Variants in TYW1B observed in about 807,000 individuals in gnomAD.
The protein encoded by TYW1B is tRNA-yW synthesizing protein 1 homolog B.
Under a neutral mutation model 86.9 loss-of-function variants are expected in TYW1B, and 73 were observed. The ratio of observed to expected loss-of-function variants is 0.84; its 90% CI spans 0.70 to 1.02. The LOEUF (loss-of-function observed/expected upper bound fraction) is 1.02. Ranked by LOEUF, TYW1B falls within the 50% of genes least tolerant of loss-of-function variation. The pLI is 0.00. For missense variants in TYW1B, 637 were observed against 827.4 expected, an observed-to-expected ratio of 0.77 and a Z score of 2.82; for synonymous variants, 248 against 292.8, an observed-to-expected ratio of 0.85 and a Z score of 1.56.
intron 9 of TYW1B, among the ~76,000 whole-genome samples, chr7:72,719,349 G>A (rs1166188653): frequency 1.3e-5 from 2 of 151,832 alleles, no homozygotes; most frequent in Non-Finnish European, 2.9e-5. Context: ...CGAAGTTTTG[G>A]GCCGGGCGTG....
chr7:72,662,639 T>C (rs543269453), intron 11 of TYW1B, among the ~76,000 whole-genome samples: 53 of 152,268 alleles, frequency 3.5e-4, no homozygotes, highest in South Asian at 1.5e-3. Context: ...TTCCCCCCAG[T>C]GTGTGGAAGG....
chr7:72,622,632 CACACACACAT>C (rs1812246834), intron 12 of TYW1B, among the ~76,000 whole-genome samples: 1 of 152,006 alleles, frequency 6.6e-6, no homozygotes, highest in South Asian at 2.1e-4. Flanking sequence ...CAAACACAAA[CACACACACAT>C]ACAGACACAT....
chr7:72,724,698 T>C (rs35954294), intron 9 of TYW1B, among the ~76,000 whole-genome samples: 1 of 152,134 alleles, frequency 6.6e-6, no homozygotes, highest in Non-Finnish European at 1.5e-5. Context: ...AATACACTGA[T>C]GTTTTCCTGA....
chr7:72,807,420 C>T, intron 4 of TYW1B, 64 bp from the exon 5 acceptor site: 1 of 1,548,136 alleles, frequency 6.5e-7, no homozygotes, highest in Non-Finnish European at 8.7e-7. Context: ...CCAGACTGCT[C>T]TGCAAAAGCC....
intron 12 of TYW1B, among the ~76,000 whole-genome samples, chr7:72,622,548 C>T (rs55949505): frequency 0.28 from 41,957 of 152,010 alleles, 8,153 homozygotes; most frequent in African/African-American, 0.56. Flanking sequence ...GGCACTGCCT[C>T]TCACCCCACA....
At chr7:72,751,714 C>T (rs1312006409) in intron 7 of TYW1B, among the ~76,000 whole-genome samples, 1 of 152,162 alleles carries the variant, frequency 6.6e-6, no homozygotes, top group Non-Finnish European at 1.5e-5. Flanking sequence ...TTTCTTGTGT[C>T]CTAGACATTC....
At chr7:72,738,221 C>T (rs1389112351) in intron 8 of TYW1B, among the ~76,000 whole-genome samples, 3 of 151,924 alleles carry the variant, frequency 2.0e-5, no homozygotes, top group East Asian at 3.9e-4. Flanking sequence ...GCTGGGATTA[C>T]AGGCGCCTGC....
intron 11 of TYW1B, among the ~76,000 whole-genome samples, chr7:72,690,476 T>A (rs1814121091): frequency 6.6e-6 from 1 of 152,220 alleles, no homozygotes; most frequent in African/African-American, 2.4e-5. Flanking sequence ...GATCTGGAAA[T>A]GTAAACACTG....
intron 8 of TYW1B, among the ~76,000 whole-genome samples, chr7:72,729,752 G>T (rs575732472): frequency 3.9e-5 from 6 of 151,960 alleles, no homozygotes; most frequent in Middle Eastern, 3.4e-3. Flanking sequence ...TGCCCTACAG[G>T]CCCCTCAAGG....
chr7:72,720,281 C>T (rs1317186152), intron 9 of TYW1B, among the ~76,000 whole-genome samples: 3 of 152,122 alleles, frequency 2.0e-5, no homozygotes, highest in Non-Finnish European at 2.9e-5. Flanking sequence ...GGGAGGAGGA[C>T]CACGGACTGA....
chr7:72,614,632 T>TAAAA (rs34879859), intron 13 of TYW1B, among the ~76,000 whole-genome samples: 1 of 133,006 alleles, frequency 7.5e-6, no homozygotes, highest in Non-Finnish European at 1.6e-5. Flanking sequence ...GACTCCATCT[T>TAAAA]AAAAAAAAAA....
At chr7:72,789,705 G>A (rs1211612002) in intron 6 of TYW1B, among the ~76,000 whole-genome samples, 2 of 151,508 alleles carry the variant, frequency 1.3e-5, no homozygotes, top group African/African-American at 4.9e-5. Flanking sequence ...TCAAATTCCC[G>A]GGCTCAAGCA....
At chr7:72,648,811 C>T (rs1554442397) in intron 11 of TYW1B, among the ~76,000 whole-genome samples, 1 of 152,042 alleles carries the variant, frequency 6.6e-6, no homozygotes, top group African/African-American at 2.4e-5. Flanking sequence ...AGGGTGAAAC[C>T]ACAAGAAGAG....
chr7:72,590,571 T>G (rs1811374569), intron 13 of TYW1B, among the ~76,000 whole-genome samples: 1 of 152,190 alleles, frequency 6.6e-6, no homozygotes, highest in East Asian at 1.9e-4. Context: ...ATAGTTACCA[T>G]GGATGCCCAG....
chr7:72,618,095 G>C (rs1429926749), intron 12 of TYW1B, among the ~76,000 whole-genome samples: 1 of 152,008 alleles, frequency 6.6e-6, no homozygotes, highest in African/African-American at 2.4e-5. Context: ...AACTGGGAGG[G>C]AGTGGGGAGA....
intron 7 of TYW1B, among the ~76,000 whole-genome samples, chr7:72,765,166 C>T (rs1296579582): frequency 6.6e-6 from 1 of 152,188 alleles, no homozygotes; most frequent in Non-Finnish European, 1.5e-5. Context: ...AAAATGGTCA[C>T]TTCCTGGAAG....
intron 11 of TYW1B, among the ~76,000 whole-genome samples, chr7:72,651,452 T>C (rs1474906654): frequency 6.7e-6 from 1 of 148,540 alleles, no homozygotes; most frequent in African/African-American, 2.5e-5. Context: ...ACCCCATCTC[T>C]ACTAAAAGTA....
At chr7:72,810,993 C>T (rs1379329387) in intron 3 of TYW1B, among the ~76,000 whole-genome samples, 3 of 152,030 alleles carry the variant, frequency 2.0e-5, no homozygotes, top group South Asian at 4.1e-4. Flanking sequence ...AAATACAGGC[C>T]GGGTGCGGTG....
intron 11 of TYW1B, among the ~76,000 whole-genome samples, chr7:72,651,204 G>A (rs1813046284): frequency 6.6e-6 from 1 of 152,136 alleles, no homozygotes; most frequent in African/African-American, 2.4e-5. Context: ...ACTTAATTAT[G>A]AGAGGCAACC....
Sources: allele counts gnomAD v4.1 joint callset (sites outside exome capture counted in the v4.1 genomes callset), GRCh38; gene constraint gnomAD v4.1.1; transcripts MANE v1.5; gene names NCBI Gene and HGNC (gene_info 2026-07-23, HGNC 2026-07-21).